PROM1: variants seen among roughly 807,000 people sequenced by gnomAD.
PROM1 encodes prominin 1.
PROM1 carries 105 observed loss-of-function variants against 116.9 expected under a neutral mutation model. The ratio of observed to expected loss-of-function variants is 0.90; its 90% CI spans 0.77 to 1.06. PROM1 has a LOEUF of 1.06. Among genes scored for constraint, PROM1 ranks in the 50% least tolerant of loss-of-function variants. The pLI is 0.00. For missense variants in PROM1, 1,122 were observed against 1,045.2 expected, an observed-to-expected ratio of 1.07 and a Z score of -1.01; for synonymous variants, 393 against 387.0, an observed-to-expected ratio of 1.02 and a Z score of -0.18.
At chr4:15,979,563 G>C in intron 25 of PROM1, 100 bp from the exon 26 acceptor site, 1 of 1,420,776 alleles carries the variant, frequency 7.0e-7, no homozygotes, top group Non-Finnish European at 9.2e-7. Flanking sequence ...TGAAAAGTAT[G>C]TAACAATTTG....
At position 16,035,886 on chromosome 4, in the gene PROM1, G is replaced by A. The variant is rs1010837727; in HGVS notation, c.277-125C>T. On this transcript the variant is annotated intron_variant, in intron 3 of 27. Transcript: ENST00000447510. ...TCATATCCCACAAGGAGGAAATTGG[G>A]TGATAGAAGGATAAACATGAGAAAG... 17 of 853,588 alleles carry A rather than the reference G, an allele frequency of 2.0e-5. No individual in the cohort carries two copies. In the Admixed American group the frequency reaches 2.1e-4, roughly 10 times the overall value. The allele number at this position is 853,588 out of a possible 1,614,324, so 52.9% of individuals were successfully genotyped here.
intron 2 of PROM1, among the ~76,000 whole-genome samples, chr4:16,056,417 C>A (rs1041146228): frequency 2.0e-5 from 3 of 151,976 alleles, no homozygotes; most frequent in Non-Finnish European, 4.4e-5. Flanking sequence ...GTACTTGCTG[C>A]GTTGTGGGCA....
At chr4:15,999,970 G>C (rs1723352542) in intron 14 of PROM1, among the ~76,000 whole-genome samples, 2 of 152,192 alleles carry the variant, frequency 1.3e-5, no homozygotes, top group Non-Finnish European at 2.9e-5. Flanking sequence ...GACTGAGAGG[G>C]AGAAAGCGAA....
In PROM1 at chr4:16,009,168, T is replaced by C. The variant is rs984781368; in HGVS notation, c.1142-60A>G. On this transcript the variant is annotated intron_variant, in intron 11 of 27. Coordinates refer to ENST00000447510, the MANE Select transcript of PROM1 (RefSeq NM_006017.3). ...AACATGGAGGAAATAGAAACTTTGTTTTGGAACCAAACAGAAAAGCCTGAA... is the reference window on the plus strand; with the variant it reads ...AACATGGAGGAAATAGAAACTTTGTCTTGGAACCAAACAGAAAAGCCTGAA... 1.0e-5 allele frequency: 15 copies of C among 1,486,340 alleles called. No individual in the cohort carries two copies. In the Admixed American group the frequency reaches 2.8e-4, roughly 27 times the overall value. 92.1% of individuals were successfully genotyped at this position (1,486,340 alleles called of 1,614,324 possible).
chr4:15,971,133 T>C, intron 26 of PROM1, 51 bp from the exon 27 acceptor site: 1 of 1,487,284 alleles, frequency 6.7e-7, no homozygotes, highest in Non-Finnish European at 9.1e-7. Context: ...AAGCTGTGGG[T>C]GGTTTCATCA....
At chr4:16,014,423 G>C (rs570646203) in intron 10 of PROM1, among the ~76,000 whole-genome samples, 1 of 152,138 alleles carries the variant, frequency 6.6e-6, no homozygotes, top group East Asian at 1.9e-4. Flanking sequence ...CAGATCTCCC[G>C]GTTCAATGCC....
At position 15,992,406 on chromosome 4, in the gene PROM1, AG is replaced by A. The variant is rs1388441868; in HGVS notation, c.1768-16del. 1 of 1,611,234 alleles carries A rather than the reference AG, an allele frequency of 6.2e-7. No individual in the cohort carries two copies. Among genetic ancestry groups the A allele is most frequent in the Non-Finnish European group, 8.5e-7 (1 of 1,178,366 alleles). ...CTTCCAGTATGCTGCGAAAAAAGGA[AG>A]TTACAAATCAGTCCCTTATTCTCCA... is the stretch of plus-strand genomic sequence containing the variant. On this transcript the variant is annotated splice_polypyrimidine_tract_variant and intron_variant, in intron 16 of 27. Transcript: ENST00000447510.
intron 14 of PROM1, among the ~76,000 whole-genome samples, chr4:15,998,809 G>C (rs115226221): frequency 6.6e-6 from 1 of 151,934 alleles, no homozygotes; most frequent in African/African-American, 2.4e-5. Context: ...TCCCCCTTCC[G>C]GGTTAAAATG....
At chr4:16,052,128 T>G (rs138422131) in intron 2 of PROM1, among the ~76,000 whole-genome samples, 21 of 152,272 alleles carry the variant, frequency 1.4e-4, no homozygotes, top group Non-Finnish European at 2.4e-4. Flanking sequence ...AGTGTGGAGA[T>G]GAAAAGGAAT....
chr4:15,986,143 ACCTGG>A, intron 20 of PROM1, 106 bp from the exon 21 acceptor site: 1 of 745,892 alleles, frequency 1.3e-6, no homozygotes, highest in Non-Finnish European at 2.2e-6. Context: ...CAACACCACG[ACCTGG>A]ACCTGCTAGT....
intron 8 of PROM1, among the ~76,000 whole-genome samples, chr4:16,023,081 C>T (rs539839750): frequency 1.8e-5 from 2 of 110,328 alleles, no homozygotes; most frequent in East Asian, 2.7e-4. Context: ...GTTTAAAAAA[C>T]AGGTGGTGGG....
intron 8 of PROM1, among the ~76,000 whole-genome samples, chr4:16,022,368 T>C (rs975976651): frequency 2.0e-4 from 30 of 152,090 alleles, no homozygotes; most frequent in African/African-American, 7.2e-4. Flanking sequence ...TTATTGTCGA[T>C]GTCGAGAATG....
At chr4:15,983,710 T>G (rs769450670) in intron 23 of PROM1, among the ~76,000 whole-genome samples, 1 of 152,144 alleles carries the variant, frequency 6.6e-6, no homozygotes, top group African/African-American at 2.4e-5. Context: ...GGCTCAGCCA[T>G]GCAGAGCCTA....
At chr4:16,066,787 A>C (rs111581087) in intron 2 of PROM1, among the ~76,000 whole-genome samples, 222 of 152,162 alleles carry the variant, frequency 1.5e-3, no homozygotes, top group African/African-American at 5.0e-3. Context: ...TTCACACTTA[A>C]TCTCCCCTTT....
At chr4:16,031,435 C>T (rs946104175) in intron 5 of PROM1, among the ~76,000 whole-genome samples, 1 of 152,072 alleles carries the variant, frequency 6.6e-6, no homozygotes, top group East Asian at 1.9e-4. Context: ...GAGGTAACTA[C>T]CCCTATAACT....
intron 2 of PROM1, among the ~76,000 whole-genome samples, chr4:16,072,248 A>G (rs563359323): frequency 2.5e-4 from 38 of 152,296 alleles, no homozygotes; most frequent in African/African-American, 8.2e-4. Flanking sequence ...CTGGGGATAC[A>G]AGAAGGGTTT....
intron 1 of PROM1, among the ~76,000 whole-genome samples, chr4:16,081,897 A>T (rs888801277): frequency 6.9e-5 from 9 of 130,370 alleles, no homozygotes; most frequent in African/African-American, 2.0e-4. Flanking sequence ...TTAGAAAAAA[A>T]TTATGGAACA....
intron 15 of PROM1, among the ~76,000 whole-genome samples, chr4:15,997,796 T>G (rs1037553634): frequency 6.6e-6 from 1 of 152,198 alleles, no homozygotes; most frequent in Admixed American, 6.5e-5. Context: ...AGGTATTGTT[T>G]ATCAAGTCCA....
intron 2 of PROM1, among the ~76,000 whole-genome samples, chr4:16,070,513 C>T (rs1742567914): frequency 6.6e-6 from 1 of 152,118 alleles, no homozygotes; most frequent in South Asian, 2.1e-4. Context: ...TGATTGAGTC[C>T]ATTTTGATTT....
Sources: allele counts gnomAD v4.1 joint callset (sites outside exome capture counted in the v4.1 genomes callset), GRCh38; gene constraint gnomAD v4.1.1; transcripts MANE v1.5; gene names NCBI Gene and HGNC (gene_info 2026-07-23, HGNC 2026-07-21).